SOD3: variants seen among roughly 807,000 people sequenced by gnomAD.
SOD3 encodes the protein extracellular superoxide dismutase [Cu-Zn].
A neutral mutation model predicts 2.6 loss-of-function variants in SOD3; 3 were observed. The observed-to-expected ratio is 1.13, with a 90% CI of 0.52 to 2.93. SOD3 has a LOEUF of 2.93. Ranked by LOEUF, SOD3 falls within the 30% of genes most tolerant of loss-of-function variation. The probability of loss-of-function intolerance (pLI) is 0.04; values close to 1 mark genes in which losing one functional copy is unlikely to be tolerated. For synonymous variants in SOD3, 188 were observed against 177.5 expected (o/e 1.06, Z -0.47); for missense variants, 379 against 370.4 (o/e 1.02, Z -0.19).
chr4:24,799,388 G>C (rs953157040), intron 1 of SOD3, 118 bp from the exon 2 acceptor site: 3 of 1,220,100 alleles, frequency 2.5e-6, no homozygotes, highest in Non-Finnish European at 3.3e-6. Context: ...ATGCCCACTG[G>C]GCCAGGAAGC....
chr4:24,799,241 G>T (rs1045361775), intron 1 of SOD3, among the ~76,000 whole-genome samples: 4 of 152,146 alleles, frequency 2.6e-5, no homozygotes, highest in Admixed American at 6.5e-5. Flanking sequence ...GATGGGACTG[G>T]AGAGGACGAT....
Position 24,800,319 on chromosome 4 carries a change from C to G in SOD3, c.*75C>G. 2 of 1,304,580 alleles carry G rather than the reference C, an allele frequency of 1.5e-6. No homozygotes were observed. The highest frequency in any genetic ancestry group is 9.9e-7 in the Non-Finnish European group (1 of 1,015,120). The allele number at this position is 1,304,580 out of a possible 1,614,324, so 80.8% of individuals were successfully genotyped here. A position where few individuals can be genotyped will look rare whatever the true frequency, so the allele number is the denominator to read the frequency against. On this transcript the variant is annotated 3_prime_UTR_variant, in exon 2 of 2. Coordinates refer to ENST00000382120, the MANE Select transcript of SOD3 (RefSeq NM_003102.4). The stretch of plus-strand genomic sequence containing the variant: ...CCTTTGAGCTTCTCCTCTGCTCCAA[C>G]AGACACCCTCCACTCTGAGGTCTCA...
chr4:24,797,600 C>T (rs777202263), intron 1 of SOD3, among the ~76,000 whole-genome samples: 6 of 152,324 alleles, frequency 3.9e-5, no homozygotes, highest in Non-Finnish European at 7.3e-5. Flanking sequence ...AGACAGTGTA[C>T]AGTCTGCAGT....
intron 1 of SOD3, among the ~76,000 whole-genome samples, chr4:24,798,494 T>A (rs2109070440): frequency 6.6e-6 from 1 of 152,064 alleles, no homozygotes; most frequent in Admixed American, 6.5e-5. Context: ...AAGCCTTCAT[T>A]TCCTGCTTGG....
Position 24,800,661 on chromosome 4 carries a change from G to C in SOD3, c.*417G>C, listed in dbSNP as rs1274450908. ...AGAGGCCGCTCTGGGGGGTTGCCTC[G>C]AGTCCCCCCACCCCTCCCCACCCAC... On this transcript the variant is annotated 3_prime_UTR_variant, in exon 2 of 2. Transcript: ENST00000382120. 1 of 168,142 alleles carries C rather than the reference G, an allele frequency of 5.9e-6. No individual in the cohort carries two copies. The highest frequency in any genetic ancestry group is 2.4e-5 in the African/African-American group (1 of 41,548). The allele number at this position is 168,142 out of a possible 1,614,324, so 10.4% of individuals were successfully genotyped here.
chr4:24,799,947 C>G lies in SOD3; in HGVS notation c.426C>G (p.His142Gln). The change falls in exon 2 of 2, where the codon CAC (histidine) becomes CAG (glutamine). Residue 142 changes from histidine to glutamine, a missense_variant. Coordinates refer to ENST00000382120, the MANE Select transcript of SOD3 (RefSeq NM_003102.4). The part of the protein sequence containing the change: ...YNPLAVPHPQ[H>Q]PGDFGNFAVR... Reference sequence around the variant, plus strand: ...CGCTGGCCGTGCCGCACCCGCAGCACCCGGGCGACTTCGGCAACTTCGCGG... The same window carrying G: ...CGCTGGCCGTGCCGCACCCGCAGCAGCCGGGCGACTTCGGCAACTTCGCGG... 1 of 1,593,902 alleles carries G rather than the reference C, an allele frequency of 6.3e-7. No individual in the cohort carries two copies. Among genetic ancestry groups the G allele is most frequent in the South Asian group, 1.1e-5 (1 of 89,970 alleles).
At chr4:24,797,689 T>A (rs1473991561) in intron 1 of SOD3, among the ~76,000 whole-genome samples, 1 of 152,224 alleles carries the variant, frequency 6.6e-6, no homozygotes, top group Non-Finnish European at 1.5e-5. Flanking sequence ...AGGCTTTAGA[T>A]TCATGAGGTG....
chr4:24,796,622 ATT>A (rs58441391), intron 1 of SOD3, among the ~76,000 whole-genome samples: 172 of 126,128 alleles, frequency 1.4e-3, no homozygotes, highest in African/African-American at 5.1e-3. Context: ...ACACCCAGCT[ATT>A]TTTTTTTTTT....
At chr4:24,797,278 T>C (rs561444301) in intron 1 of SOD3, among the ~76,000 whole-genome samples, 1 of 152,238 alleles carries the variant, frequency 6.6e-6, no homozygotes, top group Non-Finnish European at 1.5e-5. Context: ...TGCCTAAACC[T>C]TGGGCTTGGA....
chr4:24,797,185 T>C (rs899596422), intron 1 of SOD3, among the ~76,000 whole-genome samples: 3 of 152,136 alleles, frequency 2.0e-5, no homozygotes, highest in African/African-American at 7.2e-5. Context: ...CTCTCTCTGA[T>C]AGCTAAGAGC....
At position 24,798,019 on chromosome 4, in the gene SOD3, T is replaced by G. The variant is rs192421843; in HGVS notation, c.-16-1487T>G. 2.8e-3 allele frequency among the ~76,000 whole-genome samples: 422 copies of G among 152,328 alleles called. 1 individual carries two copies. The highest frequency in any genetic ancestry group is 4.6e-3 in the Non-Finnish European group (312 of 68,026). On this transcript the variant is annotated intron_variant, in intron 1 of 1. Coordinates refer to ENST00000382120, the MANE Select transcript of SOD3 (RefSeq NM_003102.4). Reference sequence around the variant, plus strand: ...ATTCCTAGCTGGGCCCCAGAATCTTTGATAGAGGTGTCTTCTTTCTTTTCT... The same window carrying G: ...ATTCCTAGCTGGGCCCCAGAATCTTGGATAGAGGTGTCTTCTTTCTTTTCT...
In SOD3 at chr4:24,799,825, T is replaced by C. The variant is rs866798956; in HGVS notation, c.304T>C (p.Phe102Leu). 1 of 1,600,270 alleles carries C rather than the reference T, an allele frequency of 6.2e-7. No homozygotes were observed. Among genetic ancestry groups the C allele is most frequent in the Non-Finnish European group, 8.5e-7 (1 of 1,178,712 alleles). The change falls in exon 2 of 2, where the codon TTC becomes CTC. Residue 102 changes from phenylalanine (F) to leucine (L), a missense_variant. Phe to Leu is a conservative substitution (Grantham distance 22). Transcript: ENST00000382120. ...CGACGCCTTCTTCGCCCTGGAGGGC[T>C]TCCCGACCGAGCCGAACAGCTCCAG... is the stretch of plus-strand genomic sequence containing the variant. ...KLDAFFALEG[F>L]PTEPNSSSRA...
chr4:24,799,436 G>A, intron 1 of SOD3, 70 bp from the exon 2 acceptor site: 1 of 1,526,942 alleles, frequency 6.5e-7, no homozygotes, highest in East Asian at 2.3e-5. Context: ...CGATAATGGG[G>A]TCCCTGAGAT....
intron 1 of SOD3, among the ~76,000 whole-genome samples, chr4:24,796,331 C>T (rs866612886): frequency 8.6e-5 from 13 of 151,618 alleles, no homozygotes; most frequent in South Asian, 2.1e-4. Flanking sequence ...AAGTTGGTCC[C>T]GAGGGGAAGA....
At position 24,799,561 on chromosome 4, in the gene SOD3, G is replaced by C. The variant is rs1056537271; in HGVS notation, c.40G>C (p.Gly14Arg). The C allele has an allele frequency of 1.2e-6, 2 of 1,601,530 alleles. No homozygotes were observed. The highest frequency in any genetic ancestry group is 1.7e-6 in the Non-Finnish European group (2 of 1,178,984). ...GTGTTCCTGCCTGCTCCTGGCAGCC[G>C]GTGCCTCGGACGCCTGGACGGGCGA... ...LLCSCLLLAA[G>R]ASDAWTGEDS... The change falls in exon 2 of 2, where the codon GGT becomes CGT. Residue 14 changes from glycine (G) to arginine (R), a missense_variant. Transcript: ENST00000382120.
chr4:24,799,437 T>A (rs1015387078), intron 1 of SOD3, 69 bp from the exon 2 acceptor site: 6 of 1,527,060 alleles, frequency 3.9e-6, no homozygotes, highest in Admixed American at 2.0e-5. Context: ...GATAATGGGG[T>A]CCCTGAGATT....
intron 1 of SOD3, among the ~76,000 whole-genome samples, chr4:24,798,661 TC>T (rs1399603735): frequency 2.0e-5 from 3 of 152,136 alleles, no homozygotes; most frequent in African/African-American, 7.2e-5. Flanking sequence ...GACTATCTCA[TC>T]ACCCACTTTT....
Position 24,800,155 on chromosome 4 carries a change from G to A in SOD3, c.634G>A (p.Val212Met), listed in dbSNP as rs908122433. Reference protein sequence around the residue: ...GRRLACCVVGVCGPGLWERQA... With the variant: ...GRRLACCVVGMCGPGLWERQA... Reference sequence around the variant, plus strand: ...GCGGCTGGCCTGCTGCGTGGTGGGCGTGTGCGGGCCCGGGCTCTGGGAGCG... The same window carrying A: ...GCGGCTGGCCTGCTGCGTGGTGGGCATGTGCGGGCCCGGGCTCTGGGAGCG... Residue 212 changes from valine (V) to methionine (M), a missense_variant, in exon 2 of 2, where the codon GTG becomes ATG. By Grantham distance (21) the Val-to-Met change is conservative (BLOSUM62 1). Coordinates refer to ENST00000382120, the MANE Select transcript of SOD3 (RefSeq NM_003102.4). 7.2e-7 allele frequency: 1 copy of A among 1,393,484 alleles called. No homozygotes were observed. Among genetic ancestry groups the A allele is most frequent in the Non-Finnish European group, 9.2e-7 (1 of 1,084,106 alleles). The allele number at this position is 1,393,484 out of a possible 1,614,324, so 86.3% of individuals were successfully genotyped here.
chr4:24,795,795 G>A (rs747421768), intron 1 of SOD3, 144 bp downstream of exon 1: 5 of 152,428 alleles, frequency 3.3e-5, no homozygotes, highest in Non-Finnish European at 7.3e-5. Context: ...GCTGCTCTGA[G>A]GGGTTAGTGG....
Sources: allele counts gnomAD v4.1 joint callset (sites outside exome capture counted in the v4.1 genomes callset), GRCh38; gene constraint gnomAD v4.1.1; transcripts MANE v1.5; gene names NCBI Gene and HGNC (gene_info 2026-07-23, HGNC 2026-07-21).